RELL2: variants seen among roughly 807,000 people sequenced by gnomAD.
RELL2 encodes RELT like 2, also known as RELT-like protein 2.
Under a neutral mutation model 27.5 loss-of-function variants are expected in RELL2, and 18 were observed. The observed-to-expected ratio is 0.65, with a 90% CI of 0.45 to 0.97. RELL2 has a LOEUF of 0.97. RELL2 is among the 50% of genes least tolerant of loss of function. RELL2 has a pLI of 0.00. For missense variants in RELL2, 370 were observed against 397.5 expected, an observed-to-expected ratio of 0.93 and a Z score of 0.59; for synonymous variants, 156 against 147.5, an observed-to-expected ratio of 1.06 and a Z score of -0.42.
In RELL2 at chr5:141,639,967, G is replaced by A. The variant is rs368350946; in HGVS notation, c.551G>A (p.Arg184His). 2.0e-5 allele frequency: 32 copies of A among 1,613,990 alleles called. No individual in the cohort carries two copies. The Middle Eastern group carries it at 5.0e-4, about 25-fold the overall frequency. ...AAGCGCTATGGACTGCACGAACACC[G>A]TGATGGCTCCCCCACAGACAGGAGC... ...IEKRYGLHEH[R>H]DGSPTDRSWG... Residue 184 changes from arginine to histidine, a missense_variant, in exon 5 of 7, where the codon CGT becomes CAT. Coordinates refer to ENST00000297164, the MANE Select transcript of RELL2 (RefSeq NM_173828.5). The surrounding 1 kb of genome is among the most constrained non-coding windows in gnomAD (Gnocchi z 4.4).
chr5:141,640,533 C>T (rs41098), intron 6 of RELL2, 88 bp downstream of exon 6: 19 of 1,602,076 alleles, frequency 1.2e-5, no homozygotes, highest in Admixed American at 1.7e-5. Flanking sequence ...CTGAACCCCC[C>T]GAGTAAACTG....
rs1246988853 is a variant in RELL2, at chr5:141,640,534, G to A, written c.*1+89G>A. Reference sequence around the variant, plus strand: ...AGCCTTTCGGCTCCCTGAACCCCCCGAGTAAACTGCAGGCTTAGCCTTTGC... The same window carrying A: ...AGCCTTTCGGCTCCCTGAACCCCCCAAGTAAACTGCAGGCTTAGCCTTTGC... On this transcript the variant is annotated intron_variant, in intron 6 of 6. Coordinates refer to ENST00000297164, the MANE Select transcript of RELL2 (RefSeq NM_173828.5). The A allele has an allele frequency of 9.4e-6, 15 of 1,600,848 alleles. No homozygotes were observed. In the East Asian group the frequency reaches 1.3e-4, roughly 14 times the overall value.
chr5:141,638,745 C>A, intron 1 of RELL2, 50 bp from the exon 2 acceptor site: 1 of 1,513,590 alleles, frequency 6.6e-7, no homozygotes, highest in Non-Finnish European at 9.2e-7. Flanking sequence ...GTAATATTCC[C>A]CCAAAGCTGA....
Position 141,637,949 on chromosome 5 carries a change from C to A in RELL2, c.-277C>A. Reference sequence around the variant, plus strand: ...TCCTTGGGAGGGACAGAAGCGCGAACAAGCTGGAAAGGGGAACGCTCGGGG... The same window carrying A: ...TCCTTGGGAGGGACAGAAGCGCGAAAAAGCTGGAAAGGGGAACGCTCGGGG... On this transcript the variant is annotated 5_prime_UTR_variant, in exon 1 of 7. Coordinates refer to ENST00000297164, the MANE Select transcript of RELL2 (RefSeq NM_173828.5). 5.0e-6 allele frequency: 2 copies of A among 397,490 alleles called. No homozygotes were observed. The highest frequency in any genetic ancestry group is 2.0e-5 in the African/African-American group (1 of 49,380). 24.6% of individuals were successfully genotyped at this position (397,490 alleles called of 1,614,324 possible). A position where few individuals can be genotyped will look rare whatever the true frequency, so the allele number is the denominator to read the frequency against.
In RELL2 at chr5:141,640,895, C is replaced by A; in HGVS notation, c.*226C>A. 1.7e-6 allele frequency: 1 copy of A among 583,242 alleles called. No individual in the cohort carries two copies. Among genetic ancestry groups the A allele is most frequent in the Non-Finnish European group, 3.0e-6 (1 of 329,088 alleles). The allele number at this position is 583,242 out of a possible 1,614,324, so 36.1% of individuals were successfully genotyped here. ...AGGCTGCCTGCCCCGCCTTCCCCAA[C>A]ACCTCGCTCCATATGATAGAGCGTG... On this transcript the variant is annotated 3_prime_UTR_variant, in exon 7 of 7. Coordinates refer to ENST00000297164, the MANE Select transcript of RELL2 (RefSeq NM_173828.5).
At position 141,639,499 on chromosome 5, in the gene RELL2, C is replaced by T. The variant is rs746013868; in HGVS notation, c.353C>T (p.Pro118Leu). ...ACCTCCAGCCTGCAGGACGGAGCCC[C>T]CTCCCATCATCACACAGTGCACCTG... ...DATSSLQDGA[P>L]SHHHTVHLGS... is the part of the protein sequence containing the mutation. Residue 118 changes from proline (P) to leucine (L), a missense_variant, in exon 4 of 7, where the codon CCC (proline) becomes CTC (leucine). By Grantham distance (98) the Pro-to-Leu change is moderately conservative. Coordinates refer to ENST00000297164, the MANE Select transcript of RELL2 (RefSeq NM_173828.5). This position sits in a 1 kb window ranked among gnomAD's most constrained non-coding sequence, Gnocchi z 4.4. 3 of 1,613,986 alleles carry T rather than the reference C, an allele frequency of 1.9e-6. No homozygotes were observed. Among genetic ancestry groups the T allele is most frequent in the Admixed American group, 1.7e-5 (1 of 60,018 alleles).
chr5:141,640,751 A>G lies in RELL2; in HGVS notation c.*82A>G. 1 of 1,329,366 alleles carries G rather than the reference A, an allele frequency of 7.5e-7. No homozygotes were observed. Among genetic ancestry groups the G allele is most frequent in the Non-Finnish European group, 1.0e-6 (1 of 976,662 alleles). 82.3% of individuals were successfully genotyped at this position (1,329,366 alleles called of 1,614,324 possible). ...GTGAAAGCCCTCCCCTCCACTGGAC[A>G]GCACTGCCCCCCAGCTGAGGGACCA... On this transcript the variant is annotated 3_prime_UTR_variant, in exon 7 of 7. Coordinates refer to ENST00000297164, the MANE Select transcript of RELL2 (RefSeq NM_173828.5).
intron 1 of RELL2, 103 bp downstream of exon 1, chr5:141,638,512 G>T: frequency 8.8e-7 from 1 of 1,134,870 alleles, no homozygotes. Context: ...GATCAAACCT[G>T]CTCAGGAAGC....
At position 141,638,776 on chromosome 5, in the gene RELL2, A is replaced by G; in HGVS notation, c.185-19A>G. ...GCTGACTCATTCCTGCTTCCTTGCC[A>G]ATCTCTTTCATCCTTCAGCTGAGGA... is the stretch of plus-strand genomic sequence containing the variant. On this transcript the variant is annotated intron_variant, in intron 1 of 6. Transcript: ENST00000297164. 1 of 1,611,544 alleles carries G rather than the reference A, an allele frequency of 6.2e-7. No individual in the cohort carries two copies. Among genetic ancestry groups the G allele is most frequent in the East Asian group, 2.2e-5 (1 of 44,870 alleles).
At position 141,640,414 on chromosome 5, in the gene RELL2, G is replaced by T. The variant is rs1401175121; in HGVS notation, c.882G>T (p.Val294=). ...PSKPDTSDHQ[V]SLPQGAGSM ...TTGACCCCTCCCCTTTCTCTCAGGT[G>T]TCTCTACCACAGGGAGCAGGGAGTA... The change falls in exon 6 of 7, where the codon GTG becomes GTT. Residue 294 remains valine (V), a splice_region_variant and synonymous_variant. Transcript: ENST00000297164. 1 of 1,614,058 alleles carries T rather than the reference G, an allele frequency of 6.2e-7. No homozygotes were observed. The highest frequency in any genetic ancestry group is 1.3e-5 in the African/African-American group (1 of 74,926).
intron 1 of RELL2, 143 bp from the exon 2 acceptor site, chr5:141,638,652 T>G: frequency 1.3e-6 from 1 of 790,412 alleles, no homozygotes; most frequent in Non-Finnish European, 2.1e-6. Context: ...CCATCTTTTC[T>G]GGTCCCTGAA....
At position 141,640,801 on chromosome 5, in the gene RELL2, C is replaced by G; in HGVS notation, c.*132C>G. On this transcript the variant is annotated 3_prime_UTR_variant, in exon 7 of 7. Transcript: ENST00000297164. ...AGCTCTACTTCCACCTGGAGTTGCA[C>G]AGTCTCAGGCTGGGGGCCTCAGGAG... 1 of 861,402 alleles carries G rather than the reference C, an allele frequency of 1.2e-6. No homozygotes were observed. The highest frequency in any genetic ancestry group is 1.8e-6 in the Non-Finnish European group (1 of 571,200). 53.4% of individuals were successfully genotyped at this position (861,402 alleles called of 1,614,324 possible). A position where few individuals can be genotyped will look rare whatever the true frequency, so the allele number is the denominator to read the frequency against.
intron 1 of RELL2, 27 bp downstream of exon 1, chr5:141,638,436 T>G: frequency 6.3e-7 from 1 of 1,585,484 alleles, no homozygotes; most frequent in Non-Finnish European, 8.6e-7. Flanking sequence ...GAACCCTGGC[T>G]CAGTCACCTT....
chr5:141,639,987 A>G lies in RELL2; in HGVS notation c.571A>G (p.Arg191Gly), dbSNP rs1316782695. The G allele has an allele frequency of 1.2e-6, 2 of 1,613,752 alleles. No individual in the cohort carries two copies. Among genetic ancestry groups the G allele is most frequent in the Non-Finnish European group, 1.7e-6 (2 of 1,179,842 alleles). ...ACACCGTGATGGCTCCCCCACAGAC[A>G]GGAGCTGGGGCTCTGGTGGGGGACA... ...HEHRDGSPTD[R>G]SWGSGGGQDP... Residue 191 changes from arginine (R) to glycine (G), a missense_variant, in exon 5 of 7, where the codon AGG (arginine) becomes GGG (glycine). By Grantham distance (125) the Arg-to-Gly change is moderately radical (BLOSUM62 -2). Coordinates refer to ENST00000297164, the MANE Select transcript of RELL2 (RefSeq NM_173828.5). This position sits in a 1 kb window ranked among gnomAD's most constrained non-coding sequence, Gnocchi z 4.4.
At position 141,638,247 on chromosome 5, in the gene RELL2, C is replaced by T. The variant is rs1227953506; in HGVS notation, c.22C>T (p.Leu8=). The T allele has an allele frequency of 5.0e-6, 8 of 1,613,506 alleles. No homozygotes were observed. Among genetic ancestry groups the T allele is most frequent in the African/African-American group, 1.3e-5 (1 of 75,036 alleles). ...CCTCATGTCGGAACCACAGCCTGAC[C>T]TGGAACCGCCCCAACATGGGCTATA... MSEPQPD[L]EPPQHGLYML... The change falls in exon 1 of 7, where the codon CTG becomes TTG. Residue 8 remains leucine, a synonymous_variant. Transcript: ENST00000297164.
In RELL2 at chr5:141,638,643, C is replaced by T. The variant is rs541189637; in HGVS notation, c.185-152C>T. On this transcript the variant is annotated intron_variant, in intron 1 of 6. Transcript: ENST00000297164. ...AGTCTTGGGCTTGCATTGGTGTCCC[C>T]ATCTTTTCTGGTCCCTGAAATGCTG... The T allele has an allele frequency of 1.5e-5, 11 of 758,054 alleles. No homozygotes were observed. In the South Asian group the frequency reaches 1.5e-4, roughly 10 times the overall value. 47.0% of individuals were successfully genotyped at this position (758,054 alleles called of 1,614,324 possible).
At position 141,637,659 on chromosome 5, in the gene RELL2, A is replaced by T. The variant is rs1232372498; in HGVS notation, c.-567A>T. The T allele has an allele frequency of 2.6e-5, 4 of 152,902 alleles. No homozygotes were observed. Among genetic ancestry groups the T allele is most frequent in the Non-Finnish European group, 5.9e-5 (4 of 68,254 alleles). 9.5% of individuals were successfully genotyped at this position (152,902 alleles called of 1,614,324 possible). ...GAGGAATCAAGGGATGAGCGCCGGAAGGGCGTCGGGGGCCCTGAGCCGCAC... is the reference window on the plus strand; with the variant it reads ...GAGGAATCAAGGGATGAGCGCCGGATGGGCGTCGGGGGCCCTGAGCCGCAC... On this transcript the variant is annotated 5_prime_UTR_variant, in exon 1 of 7. It adds an upstream start codon to the 5' untranslated region. Coordinates refer to ENST00000297164, the MANE Select transcript of RELL2 (RefSeq NM_173828.5).
In RELL2 at chr5:141,637,931, G is replaced by A; in HGVS notation, c.-295G>A. ...CCATCTCGTGCTGCAGTGTCCTTGG[G>A]AGGGACAGAAGCGCGAACAAGCTGG... On this transcript the variant is annotated 5_prime_UTR_variant, in exon 1 of 7. Transcript: ENST00000297164. The A allele has an allele frequency of 2.8e-6, 1 of 363,016 alleles. No homozygotes were observed. The highest frequency in any genetic ancestry group is 5.1e-6 in the Non-Finnish European group (1 of 195,936). The allele number at this position is 363,016 out of a possible 1,614,324, so 22.5% of individuals were successfully genotyped here.
rs974656065 is a variant in RELL2 at position 141,637,804 on chromosome 5, C to G, written c.-422C>G. 1 of 170,364 alleles carries G rather than the reference C, an allele frequency of 5.9e-6. No individual in the cohort carries two copies. The highest frequency in any genetic ancestry group is 1.3e-5 in the Non-Finnish European group (1 of 77,672). The allele number at this position is 170,364 out of a possible 1,614,324, so 10.6% of individuals were successfully genotyped here. A position where few individuals can be genotyped will look rare whatever the true frequency, so the allele number is the denominator to read the frequency against. ...AAAAAGGGAGAGGGGTGCGGGAGTA[C>G]TGAGAGGAAGGGGCTGCAGAGGCCT... On this transcript the variant is annotated 5_prime_UTR_variant, in exon 1 of 7. Transcript: ENST00000297164.
Sources: gnomAD v4.1 joint callset for allele counts on GRCh38, gnomAD v4.1.1 for gene constraint, Gnocchi (gnomAD v3.1) non-coding constraint, MANE v1.5 for transcripts, NCBI Gene and HGNC (gene_info 2026-07-23, HGNC 2026-07-21) for gene names.